CCDC120: variants seen among roughly 807,000 people sequenced by gnomAD.
CCDC120 encodes the protein coiled-coil domain-containing protein 120.
A neutral mutation model predicts 37.6 loss-of-function variants in CCDC120; 16 were observed. The ratio of observed to expected loss-of-function variants is 0.43; its 90% CI spans 0.29 to 0.65. The LOEUF is 0.65. Among genes scored for constraint, CCDC120 ranks in the 30% least tolerant of loss-of-function variants. CCDC120 has a pLI of 0.18. For missense variants in CCDC120, 650 were observed against 657.4 expected, an observed-to-expected ratio of 0.99 and a Z score of 0.12; for synonymous variants, 309 against 275.4, an observed-to-expected ratio of 1.12 and a Z score of -1.21.
rs782350298 is a variant in CCDC120 at position 49,063,006 on chromosome X, A to C, written c.288+405A>C. ...TCAGGAGATCGAGACCATCCTGGCT[A>C]ACACGGTGTAACCCCGTCTCTACTA... On this transcript the variant is annotated intron_variant, in intron 4 of 10. Transcript: ENST00000603986. 3.3e-3 allele frequency among the ~76,000 whole-genome samples: 365 copies of C among 111,790 alleles called. 3 individuals are homozygous for C. The highest frequency in any genetic ancestry group is 0.011 in the African/African-American group (353 of 30,741).
chrX:49,053,869 G>A (rs1005405982), exon 1 of CCDC120: 1 of 112,863 alleles, frequency 8.9e-6, no homozygotes, highest in Non-Finnish European at 1.9e-5. Context: ...TGCGGCGCGG[G>A]GACCCTTGGT....
intron 4 of CCDC120, among the ~76,000 whole-genome samples, chrX:49,063,353 C>CA (rs781812389): frequency 3.9e-4 from 39 of 99,695 alleles, no homozygotes; most frequent in East Asian, 9.3e-4. Flanking sequence ...AACTCCACCT[C>CA]AAAAAAAAAA....
intron 4 of CCDC120, among the ~76,000 whole-genome samples, chrX:49,062,858 C>T (rs1368703816): frequency 9.1e-6 from 1 of 109,925 alleles, no homozygotes; most frequent in African/African-American, 3.3e-5. Flanking sequence ...TCGGGAGTTC[C>T]AGACCAGCCT....
rs781922483 is a variant in CCDC120, at chrX:49,067,351, C to T, written c.1237C>T (p.Pro413Ser). Residue 413 changes from proline to serine, a missense_variant, in exon 10 of 11, where the codon CCT (proline) becomes TCT (serine). Pro to Ser is a moderately conservative substitution (Grantham distance 74). Transcript: ENST00000603986. The part of the protein sequence containing the change: ...RAAGGGAGSP[P>S]APLAPSASGP... ...CGCTGGTGGGGGAGCTGGCTCCCCG[C>T]CTGCCCCTCTGGCTCCCTCTGCCTC... 1 of 1,204,019 alleles carries T rather than the reference C, an allele frequency of 8.3e-7. No individual in the cohort carries two copies. The highest frequency in any genetic ancestry group is 2.2e-5 in the Admixed American group (1 of 45,542).
At chrX:49,055,034 C>T (rs1341273569), upstream of CCDC120, among the ~76,000 whole-genome samples, 1 of 112,421 alleles carries the variant, frequency 8.9e-6, no homozygotes, top group African/African-American at 3.2e-5. Context: ...CCAAATGCTT[C>T]TCTTAGCAAG....
chrX:49,062,722 C>A, intron 4 of CCDC120, 121 bp downstream of exon 4: 1 of 721,814 alleles, frequency 1.4e-6, no homozygotes, highest in Non-Finnish European at 2.0e-6. Context: ...TGTAGATTCC[C>A]TGTCACCTAC....
At position 49,067,485 on chromosome X, in the gene CCDC120, G is replaced by A; in HGVS notation, c.1371G>A (p.Arg457=). Reference sequence around the variant, plus strand: ...CCCCAGACCCTCCCCGGGCCGCCCGGCCTAGCTCAGCTGCCCCTGCCTCCC... The same window carrying A: ...CCCCAGACCCTCCCCGGGCCGCCCGACCTAGCTCAGCTGCCCCTGCCTCCC... ...AGPPDPPRAA[R]PSSAAPASRG... The change falls in exon 10 of 11, where the codon CGG becomes CGA. Residue 457 remains arginine, a synonymous_variant. Coordinates refer to ENST00000603986, the MANE Select transcript of CCDC120 (RefSeq NM_001163321.4). 1 of 1,169,638 alleles carries A rather than the reference G, an allele frequency of 8.5e-7. No homozygotes were observed. The highest frequency in any genetic ancestry group is 1.1e-6 in the Non-Finnish European group (1 of 873,435).
At chrX:49,056,625 CAAAAA>C (rs56112125), upstream of CCDC120, among the ~76,000 whole-genome samples, 3 of 47,125 alleles carry the variant, frequency 6.4e-5, no homozygotes, top group African/African-American at 1.8e-4. Flanking sequence ...GACTCCGTCT[CAAAAA>C]AAAAAAAAAA....
chrX:49,056,625 CAAAAAAA>C (rs56112125), upstream of CCDC120, among the ~76,000 whole-genome samples: 1 of 47,125 alleles, frequency 2.1e-5, no homozygotes, highest in Non-Finnish European at 3.5e-5. Flanking sequence ...GACTCCGTCT[CAAAAAAA>C]AAAAAAAAAA....
intron 1 of CCDC120, 88 bp from the exon 2 acceptor site, chrX:49,061,868 ATAG>A: frequency 1.1e-6 from 1 of 901,946 alleles, no homozygotes; most frequent in Non-Finnish European, 1.5e-6. Flanking sequence ...GTGTGGCATC[ATAG>A]GTAACTGTTG....
At position 49,064,408 on chromosome X, in the gene CCDC120, G is replaced by GCAA; in HGVS notation, c.471_473dup (p.Gln159dup). 8.5e-7 allele frequency: 1 copy of GCAA among 1,178,706 alleles called. No individual in the cohort carries two copies. Among genetic ancestry groups the GCAA allele is most frequent in the African/African-American group, 1.8e-5 (1 of 56,878 alleles). ...AGGCCCTGGAACGCGAGGTGTCAGT[G>GCAA]CAACAGCAGATCGCGGCGGCCGCCC... On this transcript the variant is annotated inframe_insertion, in exon 6 of 11. Transcript: ENST00000603986.
chrX:49,065,388 C>G (rs1557080834), intron 7 of CCDC120, 66 bp from the exon 8 acceptor site: 3 of 1,089,425 alleles, frequency 2.8e-6, no homozygotes, highest in Middle Eastern at 2.6e-4. Flanking sequence ...CCTTGCCCCC[C>G]AGCCTGTCCT....
At chrX:49,068,114 G>A in intron 10 of CCDC120, 24 bp downstream of exon 10, 2 of 1,155,966 alleles carry the variant, frequency 1.7e-6, no homozygotes, top group Non-Finnish European at 2.3e-6. Context: ...TTTTACTGAT[G>A]GGTAGGGGTC....
upstream of CCDC120, among the ~76,000 whole-genome samples, chrX:49,058,650 C>T (rs1226163243): frequency 1.8e-5 from 2 of 112,440 alleles, no homozygotes; most frequent in African/African-American, 3.2e-5. Flanking sequence ...GCTAAGTGTA[C>T]GGGGTGAGGA....
At chrX:49,063,745 G>C (rs1383198990) in intron 4 of CCDC120, 116 bp from the exon 5 acceptor site, 24 of 790,048 alleles carry the variant, frequency 3.0e-5, no homozygotes, top group Non-Finnish European at 4.3e-5. Context: ...TATCGTGCGT[G>C]GTTGCTGAGC....
chrX:49,059,375 TCC>T (rs2064856949), intron 1 of CCDC120: 1 of 747,937 alleles, frequency 1.3e-6, no homozygotes, highest in African/African-American at 2.3e-5. Context: ...GAAGTATGAG[TCC>T]CCCCTTCTCC....
chrX:49,066,961 A>C, intron 9 of CCDC120: 1 of 417,959 alleles, frequency 2.4e-6, no homozygotes. Flanking sequence ...GGCCTCCCCC[A>C]CGCATTTCTA....
rs1335751307 is a variant in CCDC120 at position 49,067,457 on chromosome X, G to T, written c.1343G>T (p.Gly448Val). 4.2e-6 allele frequency: 5 copies of T among 1,184,863 alleles called. No homozygotes were observed. In the African/African-American group the frequency reaches 5.3e-5, roughly 13 times the overall value. ...CCTGCCTTCTCCTCCCGCACAGCAG[G>T]CCCCCCAGACCCTCCCCGGGCCGCC... ...PTPAFSSRTA[G>V]PPDPPRAARP... The change falls in exon 10 of 11, where the codon GGC (glycine) becomes GTC (valine). Residue 448 changes from glycine to valine, a missense_variant. This residue lies in a region of CCDC120 where 576 missense variants were observed against 565.3 expected (regional missense o/e 1.02). Coordinates refer to ENST00000603986, the MANE Select transcript of CCDC120 (RefSeq NM_001163321.4).
chrX:49,065,137 A>C, intron 7 of CCDC120, 39 bp downstream of exon 7: 8 of 1,161,299 alleles, frequency 6.9e-6, no homozygotes, highest in Non-Finnish European at 9.4e-6. Flanking sequence ...CCCGACTCCT[A>C]CGTCCCTTTA....
Sources: gnomAD v4.1 joint callset for allele counts (sites outside exome capture counted in the v4.1 genomes callset) on GRCh38, gnomAD v4.1.1 for gene constraint, gnomAD v4.1.1 regional missense constraint, MANE v1.5 for transcripts, NCBI Gene and HGNC (gene_info 2026-07-23, HGNC 2026-07-21) for gene names.